The following LRRC49 variants were observed in gnomAD, a reference collection of about 807,000 sequenced individuals.
LRRC49 encodes the protein leucine rich repeat containing 49.
A neutral mutation model predicts 83.3 loss-of-function variants in LRRC49; 50 were observed. The ratio of observed to expected loss-of-function variants is 0.60; its 90% CI spans 0.48 to 0.76. The LOEUF is 0.76. LRRC49 is among the 30% of genes least tolerant of loss of function. LRRC49 has a pLI of 0.00. For missense variants in LRRC49, 704 were observed against 809.1 expected, an observed-to-expected ratio of 0.87 and a Z score of 1.58; for synonymous variants, 286 against 283.3, an observed-to-expected ratio of 1.01 and a Z score of -0.10.
intron 2 of LRRC49, among the ~76,000 whole-genome samples, chr15:70,886,934 T>G (rs2033425702): frequency 6.6e-6 from 1 of 151,860 alleles, no homozygotes; most frequent in Non-Finnish European, 1.5e-5. Context: ...AAGCAAAAAT[T>G]ACCTCAGCTC....
rs2032884980 is a variant in LRRC49, at chr15:70,865,274, CAT to C, written c.-298-7633_-298-7632del. 2.0e-5 allele frequency among the ~76,000 whole-genome samples: 3 copies of C among 152,154 alleles called. No individual in the cohort carries two copies. The South Asian group carries it at 6.2e-4, about 32-fold the overall frequency. On this transcript the variant is annotated intron_variant, in intron 1 of 16. Coordinates refer to the LRRC49 transcript ENST00000544974. ...AAGGTTGAAATAATAATAAAATGAA[CAT>C]TCTTATGCACTCTACTGAATTCAAA... is the stretch of plus-strand genomic sequence containing the variant.
rs1025230382 is a variant in LRRC49, at chr15:70,907,913, C to T, written c.500+3158C>T. 3.1e-5 allele frequency: 14 copies of T among 455,260 alleles called. No homozygotes were observed. The Admixed American group carries it at 3.3e-4, about 11-fold the overall frequency. 28.2% of individuals were successfully genotyped at this position (455,260 alleles called of 1,614,324 possible). Reference sequence around the variant, plus strand: ...TGGCTAGGATTCTGCAAATTCCTCACATCAATACCTAATCTGACCAGTAGG... The same window carrying T: ...TGGCTAGGATTCTGCAAATTCCTCATATCAATACCTAATCTGACCAGTAGG... On this transcript the variant is annotated intron_variant, in intron 5 of 15. Coordinates refer to ENST00000260382, the MANE Select transcript of LRRC49 (RefSeq NM_017691.5).
chr15:71,002,762 A>G (rs1301598418), intron 11 of LRRC49, among the ~76,000 whole-genome samples: 1 of 152,088 alleles, frequency 6.6e-6, no homozygotes, highest in African/African-American at 2.4e-5. Context: ...GCCTGTTACG[A>G]AAAGCCTAAA....
Position 70,980,203 on chromosome 15 carries a change from A to G in LRRC49, c.1005+19A>G. The stretch of plus-strand genomic sequence containing the variant: ...GCTTAAGGTATTTTCTCTGATGTCT[A>G]CATGGATGTGTGTGCACACGTAGAC... On this transcript the variant is annotated intron_variant, in intron 10 of 15. Coordinates refer to ENST00000260382, the MANE Select transcript of LRRC49 (RefSeq NM_017691.5). 1.3e-6 allele frequency: 2 copies of G among 1,569,136 alleles called. No homozygotes were observed. Among genetic ancestry groups the G allele is most frequent in the East Asian group, 2.2e-5 (1 of 44,486 alleles).
chr15:71,028,529 C>T (rs2039246921), intron 14 of LRRC49, among the ~76,000 whole-genome samples: 1 of 151,752 alleles, frequency 6.6e-6, no homozygotes, highest in African/African-American at 2.4e-5. Context: ...GCTACCGGCT[C>T]CTCTTTGTAC....
At chr15:70,855,213 T>A (rs1261398909) in intron 1 of LRRC49, among the ~76,000 whole-genome samples, 3 of 151,800 alleles carry the variant, frequency 2.0e-5, no homozygotes, top group Non-Finnish European at 2.9e-5. Context: ...CACGTGCCTG[T>A]AATCCCAGCT....
intron 1 of LRRC49, among the ~76,000 whole-genome samples, chr15:70,871,405 C>T (rs1343725534): frequency 1.3e-5 from 2 of 152,166 alleles, no homozygotes; most frequent in Admixed American, 6.5e-5. Context: ...CCCACATTTC[C>T]CCCCTCTCTA....
Position 70,974,391 on chromosome 15 carries a change from C to G in LRRC49, c.922-5710C>G, listed in dbSNP as rs1307678607. The stretch of plus-strand genomic sequence containing the variant: ...TATGTAGATTTTTGATTCAAGTATA[C>G]TTACAGAACATGAAGTAATGGATTA... On this transcript the variant is annotated intron_variant, in intron 9 of 15. Transcript: ENST00000260382. Among the ~76,000 whole-genome samples, 3 of 152,150 alleles carry G rather than the reference C, an allele frequency of 2.0e-5. No homozygotes were observed. In the East Asian group the frequency reaches 5.8e-4, roughly 29 times the overall value.
At chr15:70,924,749 C>T (rs1456860041) in intron 7 of LRRC49, among the ~76,000 whole-genome samples, 1 of 151,912 alleles carries the variant, frequency 6.6e-6, no homozygotes, top group East Asian at 1.9e-4. Flanking sequence ...AAAAAGTTTC[C>T]TTGAGATAAC....
intron 11 of LRRC49, among the ~76,000 whole-genome samples, chr15:70,999,044 AT>A (rs2038171204): frequency 6.6e-6 from 1 of 151,722 alleles, no homozygotes; most frequent in Non-Finnish European, 1.5e-5. Context: ...TTTAATTTCC[AT>A]TTCTTTATTG....
intron 8 of LRRC49, among the ~76,000 whole-genome samples, chr15:70,958,004 T>G (rs1371443544): frequency 6.6e-6 from 1 of 152,200 alleles, no homozygotes; most frequent in Non-Finnish European, 1.5e-5. Flanking sequence ...TGACAGAGTA[T>G]GTACCCTTGT....
At chr15:70,875,576 C>T (rs1595974056) in intron 2 of LRRC49, among the ~76,000 whole-genome samples, 1 of 152,150 alleles carries the variant, frequency 6.6e-6, no homozygotes, top group East Asian at 1.9e-4. Flanking sequence ...GTTACAAAGT[C>T]CATCCTCTTA....
intron 2 of LRRC49, 172 bp from the exon 3 acceptor site, chr15:70,895,677 G>A (rs1403675677): frequency 1.2e-5 from 6 of 521,604 alleles, no homozygotes; most frequent in Non-Finnish European, 2.0e-5. Flanking sequence ...CCATCTCTAT[G>A]GATTTGCCAA....
At chr15:71,044,276 C>T (rs897822585) in intron 15 of LRRC49, among the ~76,000 whole-genome samples, 3 of 152,176 alleles carry the variant, frequency 2.0e-5, no homozygotes, top group African/African-American at 7.2e-5. Flanking sequence ...TCTGTACATA[C>T]TTTTAAGACT....
chr15:70,995,931 A>C (rs980784158), intron 11 of LRRC49, among the ~76,000 whole-genome samples: 1 of 152,128 alleles, frequency 6.6e-6, no homozygotes, highest in African/African-American at 2.4e-5. Context: ...GAGCATAGAG[A>C]AAGAGTTTGG....
chr15:70,979,641 A>T (rs2037328444), intron 9 of LRRC49, among the ~76,000 whole-genome samples: 2 of 152,192 alleles, frequency 1.3e-5, no homozygotes, highest in South Asian at 4.1e-4. Flanking sequence ...TAATTTATTA[A>T]TATAATTGGA....
intron 6 of LRRC49, chr15:70,918,818 T>G (rs757862435): frequency 5.0e-6 from 2 of 398,212 alleles, no homozygotes; most frequent in Admixed American, 4.2e-5. Flanking sequence ...GACGTTTACG[T>G]CAAGTGTTTA....
Position 70,963,841 on chromosome 15 carries a change from A to C in LRRC49, c.830A>C (p.Asp277Ala), listed in dbSNP as rs1192664128. ...DSSSLSDITF[D>A]GNPIAQESWY... ...TCTTCCCTCTCGGACATCACCTTTG[A>C]TGGCAATCCCATAGCTCAAGAGTCA... Residue 277 changes from aspartate (D) to alanine (A), a missense_variant, in exon 9 of 16, where the codon GAT (aspartate) becomes GCT (alanine). Physicochemically the swap from Asp to Ala is moderately radical, Grantham distance 126 (BLOSUM62 -2). Around this residue, in one of 3 missense-constraint regions of LRRC49, gnomAD observed 261 missense variants for 330.5 expected, o/e 0.79. Transcript: ENST00000260382. The C allele has an allele frequency of 6.2e-7, 1 of 1,613,632 alleles. No individual in the cohort carries two copies. The highest frequency in any genetic ancestry group is 8.5e-7 in the Non-Finnish European group (1 of 1,179,674).
chr15:70,943,256 A>T (rs1397034627), intron 8 of LRRC49, among the ~76,000 whole-genome samples: 1 of 152,116 alleles, frequency 6.6e-6, no homozygotes, highest in African/African-American at 2.4e-5. Flanking sequence ...TACCAGCGGC[A>T]AATCTATATG....
Sources: gnomAD v4.1 joint callset for allele counts (sites outside exome capture counted in the v4.1 genomes callset) on GRCh38, gnomAD v4.1.1 for gene constraint, gnomAD v4.1.1 regional missense constraint, MANE v1.5 for transcripts, NCBI Gene and HGNC (gene_info 2026-07-23, HGNC 2026-07-21) for gene names.